Variants in KSR1 observed in about 807,000 individuals in gnomAD.
The protein encoded by KSR1 is kinase suppressor of ras.
KSR1 carries 35 observed loss-of-function variants against 92.9 expected under a neutral mutation model. The ratio of observed to expected loss-of-function variants is 0.38; its 90% CI spans 0.29 to 0.50. The LOEUF is 0.50. Among genes scored for constraint, KSR1 ranks in the 20% least tolerant of loss-of-function variants. KSR1 has a pLI of 0.94. For missense variants in KSR1, 972 were observed against 1,158.5 expected (o/e 0.84, Z 2.34); for synonymous variants, 467 against 472.6 (o/e 0.99, Z 0.15).
intron 1 of KSR1, among the ~76,000 whole-genome samples, chr17:27,503,004 G>C (rs2069246610): frequency 6.6e-6 from 1 of 152,206 alleles, no homozygotes; most frequent in Non-Finnish European, 1.5e-5. Context: ...ATGTGCCTGG[G>C]CTGAGTGCTC....
intron 1 of KSR1, among the ~76,000 whole-genome samples, chr17:27,487,030 A>C (rs1051190119): frequency 6.6e-5 from 10 of 152,206 alleles, no homozygotes; most frequent in Non-Finnish European, 1.5e-5. Context: ...GGTAAAAGAC[A>C]CTAGAAAGCT....
rs2074285086 is a variant in KSR1, at chr17:27,623,725, A to G, written c.*333A>G. On this transcript the variant is annotated 3_prime_UTR_variant, in exon 21 of 21. Transcript: ENST00000644974. ...TGGCACTGACGGCCAGGATGGCGGA[A>G]ATGGCCATCCCCTCTGAGGACCTTG... is the stretch of plus-strand genomic sequence containing the variant. The G allele has an allele frequency of 1.8e-6, 1 of 568,360 alleles. No individual in the cohort carries two copies. Among genetic ancestry groups the G allele is most frequent in the Non-Finnish European group, 3.1e-6 (1 of 327,808 alleles). The allele number at this position is 568,360 out of a possible 1,614,324, so 35.2% of individuals were successfully genotyped here.
At chr17:27,532,188 G>A (rs2070565943) in intron 1 of KSR1, among the ~76,000 whole-genome samples, 1 of 152,234 alleles carries the variant, frequency 6.6e-6, no homozygotes, top group African/African-American at 2.4e-5. Context: ...GATGGGTCTG[G>A]TCCTGCTAAT....
intron 6 of KSR1, among the ~76,000 whole-genome samples, chr17:27,589,142 G>A (rs781457532): frequency 5.3e-5 from 8 of 152,222 alleles, no homozygotes; most frequent in Non-Finnish European, 1.5e-5. Context: ...TCTTTGTTGG[G>A]TGGAGAGAGT....
intron 2 of KSR1, chr17:27,558,268 C>CTTTTT (rs35172937): frequency 1.8e-4 from 26 of 142,042 alleles, no homozygotes; most frequent in Non-Finnish European, 1.2e-4. Flanking sequence ...CCTTCTCTCT[C>CTTTTT]TTTTTTTTTT....
rs1253519207 is a variant in KSR1, at chr17:27,623,408, T to C, written c.*16T>C. The C allele has an allele frequency of 3.9e-6, 3 of 761,890 alleles. No homozygotes were observed. The East Asian group carries it at 7.3e-5, about 18-fold the overall frequency. The allele number at this position is 761,890 out of a possible 1,614,324, so 47.2% of individuals were successfully genotyped here. ...AAAGATGTAGCCAGCCATATGGTTT[T>C]TCGCTGCTGATCTCTTTCTTTTTAA... is the stretch of plus-strand genomic sequence containing the variant. On this transcript the variant is annotated 3_prime_UTR_variant, in exon 21 of 21. Transcript: ENST00000644974.
At position 27,592,438 on chromosome 17, in the gene KSR1, T is replaced by A. The variant is rs778638729; in HGVS notation, c.1192+16T>A. 6.2e-7 allele frequency: 1 copy of A among 1,613,674 alleles called. No individual in the cohort carries two copies. The highest frequency in any genetic ancestry group is 8.5e-7 in the Non-Finnish European group (1 of 1,179,658). ...TTCCTGCCACGTGAGTTTTCTGCCT[T>A]CCTCTCCTCTGCCTTCTGGATTTGG... On this transcript the variant is annotated intron_variant, in intron 8 of 20. Coordinates refer to ENST00000644974, the MANE Select transcript of KSR1 (RefSeq NM_001394583.1).
intron 1 of KSR1, among the ~76,000 whole-genome samples, chr17:27,482,564 G>A (rs896693185): frequency 2.6e-5 from 4 of 152,176 alleles, no homozygotes; most frequent in Non-Finnish European, 5.9e-5. Context: ...TACTGATGAC[G>A]AATTACAAAT....
rs2019166345 is a variant in KSR1 at position 27,456,537 on chromosome 17, G to C, written c.-107G>C. On this transcript the variant is annotated 5_prime_UTR_variant, in exon 1 of 21. Transcript: ENST00000644974. ...CTCTACCGGCGTCCCGGCTCGGGCA[G>C]CGCCGAGGGGCGCTCCTGGTCCAGC... The C allele has an allele frequency of 7.3e-6, 3 of 413,102 alleles. No homozygotes were observed. Among genetic ancestry groups the C allele is most frequent in the South Asian group, 7.8e-5 (1 of 12,816 alleles). 25.6% of individuals were successfully genotyped at this position (413,102 alleles called of 1,614,324 possible).
intron 1 of KSR1, among the ~76,000 whole-genome samples, chr17:27,481,044 G>A (rs1381247292): frequency 1.3e-5 from 2 of 152,062 alleles, no homozygotes; most frequent in African/African-American, 4.8e-5. Flanking sequence ...AGCTTTTGTT[G>A]TTTTTATTAT....
intron 2 of KSR1, chr17:27,560,270 A>ATTT: frequency 2.7e-6 from 1 of 375,766 alleles, no homozygotes; most frequent in Non-Finnish European, 5.2e-6. Context: ...GCATGGAGCC[A>ATTT]TTTTTTTTTT....
At chr17:27,492,162 A>G (rs1388244697) in intron 1 of KSR1, among the ~76,000 whole-genome samples, 2 of 152,128 alleles carry the variant, frequency 1.3e-5, no homozygotes, top group Non-Finnish European at 2.9e-5. Context: ...TGTAGCAGAT[A>G]CGAGTGGGTG....
At chr17:27,584,794 C>T (rs543884804) in intron 4 of KSR1, among the ~76,000 whole-genome samples, 32 of 152,322 alleles carry the variant, frequency 2.1e-4, no homozygotes, top group African/African-American at 6.7e-4. Context: ...CTTCCTCCAG[C>T]TCCATGTGTT....
rs34914492 is a variant in KSR1, at chr17:27,582,798, C to T, written c.673C>T (p.Pro225Ser). 2.9e-3 allele frequency: 4,705 copies of T among 1,613,658 alleles called. 13 individuals carry two copies. The highest frequency in any genetic ancestry group is 3.0e-3 in the Non-Finnish European group (3,566 of 1,179,752). ...CAGAGCAGGCAACAGCGCCCAGGGC[C>T]CACGCTCCATCTCCGTGTCAGCTCT... The part of the protein sequence containing the change: ...LGRAGNSAQG[P>S]RSISVSALPA... Residue 225 changes from proline to serine, a missense_variant, in exon 4 of 21, where the codon CCA becomes TCA. This residue lies in a region of KSR1 where 611 missense variants were observed against 668.0 expected (regional missense o/e 0.91). Coordinates refer to ENST00000644974, the MANE Select transcript of KSR1 (RefSeq NM_001394583.1).
intron 1 of KSR1, among the ~76,000 whole-genome samples, chr17:27,534,188 G>A (rs1291100592): frequency 6.6e-6 from 1 of 152,226 alleles, no homozygotes; most frequent in East Asian, 1.9e-4. Flanking sequence ...AATAAAGTAA[G>A]GGCCAGGAAA....
chr17:27,548,076 C>T (rs982152000), intron 1 of KSR1, among the ~76,000 whole-genome samples: 5 of 151,266 alleles, frequency 3.3e-5, no homozygotes, highest in African/African-American at 7.3e-5. Context: ...CTTTATAATT[C>T]GAAGTGTGTC....
At chr17:27,523,004 G>T (rs1021004360) in intron 1 of KSR1, among the ~76,000 whole-genome samples, 3 of 152,166 alleles carry the variant, frequency 2.0e-5, no homozygotes, top group African/African-American at 7.2e-5. Flanking sequence ...ATGGGGAGGG[G>T]CCTCCTCTCT....
chr17:27,622,141 C>CA, intron 20 of KSR1: 1 of 598,038 alleles, frequency 1.7e-6, no homozygotes, highest in South Asian at 2.0e-5. Context: ...TGCATATGCC[C>CA]AAGTAACTGC....
intron 6 of KSR1, among the ~76,000 whole-genome samples, chr17:27,588,976 G>A (rs1401287654): frequency 6.6e-6 from 1 of 152,178 alleles, no homozygotes; most frequent in Non-Finnish European, 1.5e-5. Flanking sequence ...CTCACCCCCA[G>A]TGTTGATGTG....
Sources: allele counts gnomAD v4.1 joint callset (sites outside exome capture counted in the v4.1 genomes callset), GRCh38; gene constraint gnomAD v4.1.1; regional missense constraint gnomAD v4.1.1; transcripts MANE v1.5; gene names NCBI Gene and HGNC (gene_info 2026-07-23, HGNC 2026-07-21).